Variants in CACNA2D3 observed in about 807,000 individuals in gnomAD.
CACNA2D3 encodes the protein calcium voltage-gated channel auxiliary subunit alpha2delta 3, also known as voltage-dependent calcium channel subunit alpha-2/delta-3.
A neutral mutation model predicts 160.6 loss-of-function variants in CACNA2D3; 60 were observed. The observed-to-expected ratio is 0.37, with a 90% CI of 0.30 to 0.46. CACNA2D3 has a LOEUF of 0.46. CACNA2D3 is among the 20% of genes least tolerant of loss of function. The pLI, the probability that CACNA2D3 is intolerant of heterozygous loss-of-function variation, is 1.00. For missense variants in CACNA2D3, 1,205 were observed against 1,365.0 expected (o/e 0.88, Z 1.85); for synonymous variants, 558 against 492.9 (o/e 1.13, Z -1.75).
chr3:54,552,939 C>A (rs1309300063), intron 5 of CACNA2D3, among the ~76,000 whole-genome samples: 1 of 152,136 alleles, frequency 6.6e-6, no homozygotes, highest in East Asian at 1.9e-4. Flanking sequence ...TAATCATTCA[C>A]CAGGGAATGA....
At chr3:54,242,554 G>C (rs1701992332) in intron 2 of CACNA2D3, among the ~76,000 whole-genome samples, 1 of 152,124 alleles carries the variant, frequency 6.6e-6, no homozygotes, top group Non-Finnish European at 1.5e-5. Flanking sequence ...AATAAAATAA[G>C]GGTTACTTGA....
intron 5 of CACNA2D3, among the ~76,000 whole-genome samples, chr3:54,518,844 G>C (rs1346029635): frequency 6.6e-6 from 1 of 152,104 alleles, no homozygotes; most frequent in South Asian, 2.1e-4. Flanking sequence ...ACTTATACAG[G>C]AAAAGCCATC....
intron 2 of CACNA2D3, among the ~76,000 whole-genome samples, chr3:54,126,130 A>G (rs1418380757): frequency 6.6e-6 from 1 of 152,226 alleles, no homozygotes; most frequent in Non-Finnish European, 1.5e-5. Context: ...AATTTTATGT[A>G]TTTTATGTAG....
intron 29 of CACNA2D3, among the ~76,000 whole-genome samples, chr3:54,971,217 G>T (rs1355302325): frequency 6.6e-6 from 1 of 152,148 alleles, no homozygotes; most frequent in East Asian, 1.9e-4. Context: ...CTGTGAAGTT[G>T]TATGGTCCAC....
chr3:54,807,093 T>G (rs1703147857), intron 13 of CACNA2D3, among the ~76,000 whole-genome samples: 1 of 152,118 alleles, frequency 6.6e-6, no homozygotes, highest in South Asian at 2.1e-4. Flanking sequence ...CCTAAAACCA[T>G]AAAAACCCTA....
intron 13 of CACNA2D3, among the ~76,000 whole-genome samples, chr3:54,796,458 TA>T (rs1224120560): frequency 6.6e-6 from 1 of 152,202 alleles, no homozygotes; most frequent in Non-Finnish European, 1.5e-5. Flanking sequence ...CAAAGAGAAC[TA>T]ATATCAGGCA....
chr3:54,514,537 A>G (rs1051720226), intron 5 of CACNA2D3, among the ~76,000 whole-genome samples: 1 of 152,224 alleles, frequency 6.6e-6, no homozygotes, highest in Non-Finnish European at 1.5e-5. Context: ...GACTCTGCCC[A>G]TGCTCTCTTG....
chr3:54,551,215 C>A (rs1410856438), intron 5 of CACNA2D3, among the ~76,000 whole-genome samples: 1 of 152,208 alleles, frequency 6.6e-6, no homozygotes, highest in African/African-American at 2.4e-5. Flanking sequence ...AACCTGCCCA[C>A]CCCATGCCTC....
At chr3:54,443,570 C>T (rs1301118002) in intron 4 of CACNA2D3, among the ~76,000 whole-genome samples, 1 of 152,106 alleles carries the variant, frequency 6.6e-6, no homozygotes, top group African/African-American at 2.4e-5. Context: ...TGCTTTCTTC[C>T]TCTCACCTGA....
At chr3:54,422,760 A>C (rs1699857147) in intron 4 of CACNA2D3, among the ~76,000 whole-genome samples, 1 of 152,188 alleles carries the variant, frequency 6.6e-6, no homozygotes, top group South Asian at 2.1e-4. Flanking sequence ...ATTTTGCAGA[A>C]GATTTTAAAA....
chr3:54,424,990 G>C (rs1007071463), intron 4 of CACNA2D3, among the ~76,000 whole-genome samples: 2 of 152,222 alleles, frequency 1.3e-5, no homozygotes, highest in Non-Finnish European at 2.9e-5. Flanking sequence ...GACCTGTTCT[G>C]TCTCCTCCTT....
At chr3:54,141,100 T>TGCGCGC (rs1559860150) in intron 2 of CACNA2D3, among the ~76,000 whole-genome samples, 5 of 132,758 alleles carry the variant, frequency 3.8e-5, no homozygotes, top group African/African-American at 1.2e-4. Flanking sequence ...CGCGCGCGCG[T>TGCGCGC]GTGTGCATGC....
intron 35 of CACNA2D3, among the ~76,000 whole-genome samples, chr3:55,071,675 G>T (rs1323372491): frequency 6.6e-6 from 1 of 151,598 alleles, no homozygotes; most frequent in Non-Finnish European, 1.5e-5. Flanking sequence ...GATGATTGAT[G>T]ATAGGAAGTT....
At chr3:55,071,801 A>G (rs1418520654) in intron 35 of CACNA2D3, among the ~76,000 whole-genome samples, 2 of 152,068 alleles carry the variant, frequency 1.3e-5, no homozygotes, top group African/African-American at 2.4e-5. Flanking sequence ...CTTCTCCTTT[A>G]TTGTTCATCT....
intron 11 of CACNA2D3, among the ~76,000 whole-genome samples, chr3:54,702,899 T>G (rs947961740): frequency 2.6e-5 from 4 of 152,178 alleles, no homozygotes; most frequent in African/African-American, 9.7e-5. Flanking sequence ...TACATAGCCA[T>G]AAAAAGAATG....
chr3:54,928,309 C>T (rs1400910992), intron 27 of CACNA2D3, among the ~76,000 whole-genome samples: 1 of 152,140 alleles, frequency 6.6e-6, no homozygotes, highest in Non-Finnish European at 1.5e-5. Flanking sequence ...ATTATTTAAT[C>T]TGCTTGAAGT....
At chr3:54,135,750 C>G (rs771401019) in intron 2 of CACNA2D3, among the ~76,000 whole-genome samples, 14 of 152,174 alleles carry the variant, frequency 9.2e-5, no homozygotes, top group Non-Finnish European at 7.3e-5. Flanking sequence ...CTGACCTACT[C>G]ATTTAGAAGG....
At chr3:54,925,197 G>A (rs1474739377) in intron 27 of CACNA2D3, 8 of 1,612,082 alleles carry the variant, frequency 5.0e-6, no homozygotes, top group Non-Finnish European at 6.8e-6. Flanking sequence ...AATCACACTG[G>A]AAAACAGGAG....
intron 4 of CACNA2D3, among the ~76,000 whole-genome samples, chr3:54,470,496 A>G (rs1700711296): frequency 6.6e-6 from 1 of 152,228 alleles, no homozygotes; most frequent in Non-Finnish European, 1.5e-5. Context: ...AGTTGTAAAG[A>G]CTATCAAGTC....
Sources: gnomAD v4.1 joint callset for allele counts (sites outside exome capture counted in the v4.1 genomes callset) on GRCh38, gnomAD v4.1.1 for gene constraint, MANE v1.5 for transcripts, NCBI Gene and HGNC (gene_info 2026-07-23, HGNC 2026-07-21) for gene names.